The following VWF variants were observed in gnomAD, a reference collection of about 807,000 sequenced individuals.
VWF encodes the protein von Willebrand factor.
A neutral mutation model predicts 308.6 loss-of-function variants in VWF; 176 were observed. The observed-to-expected ratio is 0.57, with a 90% CI of 0.50 to 0.65. VWF has a LOEUF of 0.65. Ranked by LOEUF, VWF falls within the 30% of genes least tolerant of loss-of-function variation. VWF has a pLI of 0.00. For missense variants in VWF, 3,146 were observed against 3,648.2 expected (o/e 0.86, Z 3.55); for synonymous variants, 1,385 against 1,443.4 (o/e 0.96, Z 0.92).
intron 18 of VWF, among the ~76,000 whole-genome samples, chr12:6,043,572 A>T (rs1472355306): frequency 6.6e-6 from 1 of 152,266 alleles, no homozygotes; most frequent in Non-Finnish European, 1.5e-5. Context: ...TAATCTATTT[A>T]ATACAACGCT....
intron 9 of VWF, among the ~76,000 whole-genome samples, chr12:6,071,604 C>G (rs1944783425): frequency 6.6e-6 from 1 of 152,198 alleles, no homozygotes; most frequent in Non-Finnish European, 1.5e-5. Context: ...CCTGATCCCC[C>G]TGAAAATCTA....
At chr12:5,973,286 T>C (rs146818035) in intron 43 of VWF, among the ~76,000 whole-genome samples, 167 of 152,316 alleles carry the variant, frequency 1.1e-3, no homozygotes, top group Non-Finnish European at 1.9e-3. Context: ...TCCCAGGCCC[T>C]TCTCCTGGCT....
At chr12:6,107,849 G>A (rs28453687) in intron 5 of VWF, among the ~76,000 whole-genome samples, 4,490 of 151,900 alleles carry the variant, frequency 0.03, 220 homozygotes, top group African/African-American at 0.1. Flanking sequence ...TAGTAGAGAC[G>A]GGGTTTCACC....
At chr12:5,984,777 A>G (rs1040294272) in intron 40 of VWF, among the ~76,000 whole-genome samples, 1 of 152,244 alleles carries the variant, frequency 6.6e-6, no homozygotes, top group African/African-American at 2.4e-5. Context: ...TTTCTTCAGT[A>G]TATCTCCATA....
intron 42 of VWF, among the ~76,000 whole-genome samples, chr12:5,978,264 GTATT>G (rs1179872020): frequency 4.0e-5 from 6 of 151,608 alleles, no homozygotes; most frequent in Admixed American, 3.3e-4. Context: ...GAAATTTTAT[GTATT>G]TATTTATTTT....
At chr12:6,051,984 C>A (rs561113380) in intron 16 of VWF, among the ~76,000 whole-genome samples, 3 of 152,296 alleles carry the variant, frequency 2.0e-5, no homozygotes, top group African/African-American at 4.8e-5. Context: ...GTTTGCTCAA[C>A]AAATGTCCTG....
Position 6,110,791 on chromosome 12 carries a change from T to A in VWF, c.323+75A>T. 2.7e-6 allele frequency: 4 copies of A among 1,493,382 alleles called. No homozygotes were observed. The Admixed American group carries it at 6.7e-5, about 25-fold the overall frequency. 92.5% of individuals were successfully genotyped at this position (1,493,382 alleles called of 1,614,324 possible). On this transcript the variant is annotated intron_variant, in intron 4 of 51. Coordinates refer to ENST00000261405, the MANE Select transcript of VWF (RefSeq NM_000552.5). ...TTGCTTCCATTCTCTGGGCCCCAGCTTCCTCATCTAAAAATGAGGGGGTTG... is the reference window on the plus strand; with the variant it reads ...TTGCTTCCATTCTCTGGGCCCCAGCATCCTCATCTAAAAATGAGGGGGTTG...
intron 3 of VWF, among the ~76,000 whole-genome samples, chr12:6,116,405 T>C (rs1400503114): frequency 6.6e-6 from 1 of 152,230 alleles, no homozygotes; most frequent in East Asian, 1.9e-4. Flanking sequence ...GGCTTTAGTG[T>C]GGAACTCACT....
chr12:6,022,510 A>C (rs1424137008), intron 26 of VWF, among the ~76,000 whole-genome samples: 3 of 150,526 alleles, frequency 2.0e-5, no homozygotes, highest in Non-Finnish European at 4.4e-5. Context: ...GGGCTGCTTT[A>C]GGTGAGAATC....
At chr12:6,092,616 A>AAAGT (rs1555073712) in intron 6 of VWF, among the ~76,000 whole-genome samples, 9 of 96,618 alleles carry the variant, frequency 9.3e-5, no homozygotes, top group Non-Finnish European at 1.4e-4. Context: ...TGAGTGAGTG[A>AAAGT]GAGTGTGTGT....
chr12:5,997,901 C>T (rs1459427866), intron 34 of VWF, among the ~76,000 whole-genome samples: 3 of 152,154 alleles, frequency 2.0e-5, no homozygotes, highest in East Asian at 1.9e-4. Flanking sequence ...AAAATTAATA[C>T]ATTAGAGTTA....
intron 34 of VWF, 88 bp from the exon 35 acceptor site, chr12:5,996,310 AC>A: frequency 8.3e-7 from 1 of 1,210,484 alleles, no homozygotes; most frequent in African/African-American, 1.5e-5. Flanking sequence ...ACCAAGTTGC[AC>A]ACAGATAAAT....
intron 18 of VWF, among the ~76,000 whole-genome samples, chr12:6,037,303 T>A (rs1441883691): frequency 6.6e-6 from 1 of 152,118 alleles, no homozygotes; most frequent in African/African-American, 2.4e-5. Flanking sequence ...TGAATAAAAT[T>A]AATATGTACT....
In VWF at chr12:6,052,787, G is replaced by C. The variant is rs61748461; in HGVS notation, c.1946-4C>G. 2.0e-6 allele frequency: 3 copies of C among 1,504,192 alleles called. No homozygotes were observed. Among genetic ancestry groups the C allele is most frequent in the Non-Finnish European group, 2.7e-6 (3 of 1,131,552 alleles). The allele number at this position is 1,504,192 out of a possible 1,614,324, so 93.2% of individuals were successfully genotyped here. ...TGGCCTTTCGGGCAGTTCAGCTCTA[G>C]AAGAGAGAGGAGAAGTAAGGCCTCA... On this transcript the variant is annotated splice_polypyrimidine_tract_variant and splice_region_variant and intron_variant, in intron 15 of 51. Coordinates refer to ENST00000261405, the MANE Select transcript of VWF (RefSeq NM_000552.5).
chr12:6,040,734 T>C (rs1944387500), intron 18 of VWF, among the ~76,000 whole-genome samples: 1 of 152,186 alleles, frequency 6.6e-6, no homozygotes, highest in Non-Finnish European at 1.5e-5. Context: ...CTCATTCCCA[T>C]GCCAGGAGAC....
At chr12:6,047,783 T>C (rs1359215261) in intron 16 of VWF, among the ~76,000 whole-genome samples, 1 of 152,240 alleles carries the variant, frequency 6.6e-6, no homozygotes, top group Non-Finnish European at 1.5e-5. Flanking sequence ...GGACCACTTG[T>C]CTGTGACTTC....
At chr12:6,077,629 T>C (rs1242768164) in intron 6 of VWF, among the ~76,000 whole-genome samples, 1 of 152,138 alleles carries the variant, frequency 6.6e-6, no homozygotes. Context: ...AAATGACCAG[T>C]CCCAGACGGC....
At chr12:6,011,484 G>A (rs1943992654) in intron 34 of VWF, 133 bp downstream of exon 34, 22 of 724,744 alleles carry the variant, frequency 3.0e-5, no homozygotes, top group Non-Finnish European at 5.3e-5. Flanking sequence ...GTGAGTGAAG[G>A]TAGCACTGTG....
chr12:6,055,759 T>TAC (rs775653228), intron 15 of VWF, among the ~76,000 whole-genome samples: 693 of 66,302 alleles, frequency 0.01, 8 homozygotes, highest in Middle Eastern at 0.034. Flanking sequence ...TATATATATG[T>TAC]ATACACACAC....
Sources: allele counts gnomAD v4.1 joint callset (sites outside exome capture counted in the v4.1 genomes callset), GRCh38; gene constraint gnomAD v4.1.1; transcripts MANE v1.5; gene names NCBI Gene and HGNC (gene_info 2026-07-23, HGNC 2026-07-21).